Variants in LHPP observed in about 807,000 individuals in gnomAD.
LHPP encodes the protein hLHPP.
In LHPP, 24 loss-of-function variants were observed where a neutral mutation model predicts 30.3. That is an observed-to-expected ratio of 0.79 (90% CI 0.57 to 1.11). The LOEUF (loss-of-function observed/expected upper bound fraction) is 1.11. Among genes scored for constraint, LHPP ranks in the 50% most tolerant of loss-of-function variants. The probability of loss-of-function intolerance (pLI) is 0.00; values close to 1 mark genes in which losing one functional copy is unlikely to be tolerated. For missense variants in LHPP, 356 were observed against 367.2 expected (o/e 0.97, Z 0.25); for synonymous variants, 150 against 157.1 (o/e 0.95, Z 0.34).
chr10:124,472,005 A>G (rs2133822990), intron 1 of LHPP, among the ~76,000 whole-genome samples: 1 of 151,752 alleles, frequency 6.6e-6, no homozygotes, highest in South Asian at 2.1e-4. Context: ...GAATGATGGA[A>G]GTGTTTTTAT....
At chr10:124,612,656 T>C (rs1949217285) in intron 6 of LHPP, among the ~76,000 whole-genome samples, 1 of 152,114 alleles carries the variant, frequency 6.6e-6, no homozygotes, top group Non-Finnish European at 1.5e-5. Flanking sequence ...GGCTGAAGGC[T>C]TTGGAGAGGT....
intron 6 of LHPP, among the ~76,000 whole-genome samples, chr10:124,536,036 G>A (rs1955015871): frequency 6.6e-6 from 1 of 152,240 alleles, no homozygotes; most frequent in Non-Finnish European, 1.5e-5. Context: ...AAAACCACTG[G>A]AAAGGCTTGA....
At chr10:124,508,415 ACT>A (rs575036671) in intron 5 of LHPP, among the ~76,000 whole-genome samples, 188 of 151,850 alleles carry the variant, frequency 1.2e-3, no homozygotes, top group African/African-American at 3.9e-3. Flanking sequence ...TGAATTGGAA[ACT>A]CTGTCCACCG....
At chr10:124,540,126 T>A (rs541471716) in intron 6 of LHPP, among the ~76,000 whole-genome samples, 1 of 152,340 alleles carries the variant, frequency 6.6e-6, no homozygotes, top group South Asian at 2.1e-4. Flanking sequence ...GCAGGTGCCC[T>A]GGCCCAGCCG....
chr10:124,602,613 T>C (rs1409077500), intron 6 of LHPP, among the ~76,000 whole-genome samples: 1 of 145,256 alleles, frequency 6.9e-6, no homozygotes, highest in Non-Finnish European at 1.5e-5. Flanking sequence ...TGCCTCCTTC[T>C]GCGAGGAGAG....
At chr10:124,511,953 T>C (rs1954311908) in intron 5 of LHPP, among the ~76,000 whole-genome samples, 1 of 152,006 alleles carries the variant, frequency 6.6e-6, no homozygotes, top group Non-Finnish European at 1.5e-5. Context: ...CCCCTTTTGC[T>C]TGTCAGAGCA....
intron 6 of LHPP, among the ~76,000 whole-genome samples, chr10:124,606,570 CTT>C (rs1210289510): frequency 6.6e-6 from 1 of 152,234 alleles, no homozygotes; most frequent in Admixed American, 6.5e-5. Context: ...AGTCTTGCCT[CTT>C]TTGTTTCGTT....
chr10:124,534,098 C>G (rs1381239473), intron 6 of LHPP, among the ~76,000 whole-genome samples: 1 of 152,198 alleles, frequency 6.6e-6, no homozygotes, highest in Non-Finnish European at 1.5e-5. Context: ...AAAGCAGAGC[C>G]CTTTGCTGTG....
In LHPP at chr10:124,510,351, C is replaced by G. The variant is rs1954267053; in HGVS notation, c.625-6829C>G. On this transcript the variant is annotated intron_variant, in intron 5 of 6. Coordinates refer to ENST00000368842, the MANE Select transcript of LHPP (RefSeq NM_022126.4). This position sits in a 1 kb window ranked among gnomAD's most constrained non-coding sequence, Gnocchi z 4.0. ...CACTTTGGTATGCGGAGCCCACAAG[C>G]TGGCCTGGACAGGCATCACTGCTCC... 1.3e-5 allele frequency among the ~76,000 whole-genome samples: 2 copies of G among 152,252 alleles called. No homozygotes were observed. The highest frequency in any genetic ancestry group is 1.3e-4 in the Admixed American group (2 of 15,290).
intron 6 of LHPP, among the ~76,000 whole-genome samples, chr10:124,529,201 A>AT (rs938707804): frequency 4.6e-5 from 7 of 151,308 alleles, no homozygotes; most frequent in Admixed American, 1.3e-4. Context: ...TGCCCAGCTA[A>AT]TTTTTTTGTA....
intron 1 of LHPP, among the ~76,000 whole-genome samples, chr10:124,477,773 T>A (rs1481463263): frequency 6.6e-6 from 1 of 152,150 alleles, no homozygotes; most frequent in Non-Finnish European, 1.5e-5. Context: ...ATTTCTCAAA[T>A]TCCAGCCTCA....
Position 124,498,660 on chromosome 10 carries a change from C to CTT in LHPP, c.624+553_624+554dup, listed in dbSNP as rs552228070. 7.6e-3 allele frequency: 2,679 copies of CTT among 351,186 alleles called. 3 individuals carry two copies. Among genetic ancestry groups the CTT allele is most frequent in the South Asian group, 9.7e-3 (456 of 47,118 alleles). 21.8% of individuals were successfully genotyped at this position (351,186 alleles called of 1,614,324 possible). A position where few individuals can be genotyped will look rare whatever the true frequency, so the allele number is the denominator to read the frequency against. On this transcript the variant is annotated intron_variant, in intron 5 of 6. Coordinates refer to ENST00000368842, the MANE Select transcript of LHPP (RefSeq NM_022126.4). Reference sequence around the variant, plus strand: ...CTCCAGTGGGTTTTCTTTTCTTTTTCTTTTTTTTTTTTTTTTTTTTTTGAG... The same window carrying CTT: ...CTCCAGTGGGTTTTCTTTTCTTTTTCTTTTTTTTTTTTTTTTTTTTTTTTGAG...
At chr10:124,584,210 A>G (rs1948774620) in intron 6 of LHPP, among the ~76,000 whole-genome samples, 1 of 151,914 alleles carries the variant, frequency 6.6e-6, no homozygotes, top group Non-Finnish European at 1.5e-5. Flanking sequence ...ATCTCTGAAA[A>G]AAAAAAAAAT....
chr10:124,589,061 T>C (rs945600876), intron 6 of LHPP, among the ~76,000 whole-genome samples: 7 of 152,186 alleles, frequency 4.6e-5, no homozygotes, highest in African/African-American at 1.7e-4. Flanking sequence ...TGCCCCTCCC[T>C]TGAACCATCC....
chr10:124,528,228 T>C (rs1954795064), intron 6 of LHPP, among the ~76,000 whole-genome samples: 1 of 152,260 alleles, frequency 6.6e-6, no homozygotes, highest in Non-Finnish European at 1.5e-5. Flanking sequence ...TGGTCTGTCC[T>C]GCTAGACCAG....
intron 6 of LHPP, among the ~76,000 whole-genome samples, chr10:124,610,342 AGCGGGTGAGGGT>A (rs1339298459): frequency 6.1e-5 from 8 of 131,364 alleles, no homozygotes; most frequent in Non-Finnish European, 8.0e-5. Context: ...GTGCTGATGG[AGCGGGTGAGGGT>A]GCGGGTGAGG....
chr10:124,575,512 C>T (rs1334069287), intron 6 of LHPP, among the ~76,000 whole-genome samples: 1 of 152,120 alleles, frequency 6.6e-6, no homozygotes, highest in Admixed American at 6.5e-5. Context: ...GATGCGTCAG[C>T]CCCTGATTTT....
chr10:124,543,777 ATAT>A (rs1564820950), intron 6 of LHPP, among the ~76,000 whole-genome samples: 26,905 of 152,256 alleles, frequency 0.18, 4,069 homozygotes, highest in African/African-American at 0.41. Flanking sequence ...AAAAATTAAT[ATAT>A]TTTTTTTTCT....
chr10:124,523,003 C>T lies in LHPP; in HGVS notation c.716+5732C>T, dbSNP rs1009920874. 1.3e-5 allele frequency among the ~76,000 whole-genome samples: 2 copies of T among 152,194 alleles called. No homozygotes were observed. Among genetic ancestry groups the T allele is most frequent in the African/African-American group, 2.4e-5 (1 of 41,454 alleles). On this transcript the variant is annotated intron_variant, in intron 6 of 6. Transcript: ENST00000368842. This position sits in a 1 kb window ranked among gnomAD's most constrained non-coding sequence, Gnocchi z 4.2. Reference sequence around the variant, plus strand: ...CCAGAAACCAGGCCGTGTGGCCTCTCACCACCCCATCACTCTGTTCGCTGT... The same window carrying T: ...CCAGAAACCAGGCCGTGTGGCCTCTTACCACCCCATCACTCTGTTCGCTGT...
Sources: allele counts gnomAD v4.1 joint callset (sites outside exome capture counted in the v4.1 genomes callset), GRCh38; gene constraint gnomAD v4.1.1; non-coding constraint Gnocchi (gnomAD v3.1); transcripts MANE v1.5; gene names NCBI Gene and HGNC (gene_info 2026-07-23, HGNC 2026-07-21).